Variants in MYO3B observed in about 807,000 individuals in gnomAD.
MYO3B encodes the protein myosin IIIB, also known as myosin-IIIb.
In MYO3B, 156 loss-of-function variants were observed where a neutral mutation model predicts 174.6. The ratio of observed to expected loss-of-function variants is 0.89; its 90% confidence interval spans 0.78 to 1.02. MYO3B has a LOEUF of 1.02. MYO3B is among the 50% of genes least tolerant of loss of function. MYO3B has a pLI of 0.00. For synonymous variants in MYO3B, 563 were observed against 569.1 expected, an observed-to-expected ratio of 0.99 and a Z score of 0.15; for missense variants, 1,632 against 1,639.4, an observed-to-expected ratio of 1.00 and a Z score of 0.08.
At chr2:170,519,403 G>T in intron 29 of MYO3B, 35 bp from the exon 30 acceptor site, 1 of 1,583,440 alleles carries the variant, frequency 6.3e-7, no homozygotes, top group South Asian at 1.1e-5. Context: ...ACCTACTTCT[G>T]AACATATGCT....
chr2:170,543,833 C>T, intron 31 of MYO3B, 59 bp from the exon 32 acceptor site: 1 of 1,417,048 alleles, frequency 7.1e-7, no homozygotes, highest in Non-Finnish European at 9.9e-7. Context: ...AAGCCATGTC[C>T]TTAAGGCTGT....
chr2:170,390,455 AAGTG>A (rs1455525369), intron 14 of MYO3B, among the ~76,000 whole-genome samples: 20 of 152,228 alleles, frequency 1.3e-4, no homozygotes, highest in Admixed American at 1.2e-3. Flanking sequence ...TTAAGTGAAC[AAGTG>A]AGTGAGAAAT....
chr2:170,618,298 A>T (rs1010314131), intron 32 of MYO3B, among the ~76,000 whole-genome samples: 1 of 152,168 alleles, frequency 6.6e-6, no homozygotes, highest in Admixed American at 6.5e-5. Context: ...CCCAATATGT[A>T]TAGTTTTTAA....
chr2:170,234,024 AG>A (rs2093040829), intron 6 of MYO3B, among the ~76,000 whole-genome samples: 1 of 151,248 alleles, frequency 6.6e-6, no homozygotes, highest in East Asian at 1.9e-4. Context: ...ACAAAAAATT[AG>A]CCGGGCGTAG....
At chr2:170,643,436 C>T (rs945571153) in intron 32 of MYO3B, among the ~76,000 whole-genome samples, 1 of 152,132 alleles carries the variant, frequency 6.6e-6, no homozygotes, top group Admixed American at 6.5e-5. Flanking sequence ...GTTATTGTCA[C>T]CTGCAAATGC....
chr2:170,639,065 C>T (rs545320833), intron 32 of MYO3B, among the ~76,000 whole-genome samples: 5 of 152,278 alleles, frequency 3.3e-5, no homozygotes, highest in African/African-American at 7.2e-5. Flanking sequence ...TCAAAGACCC[C>T]GTCACAATTA....
chr2:170,405,721 T>C, intron 21 of MYO3B, 88 bp downstream of exon 21: 1 of 1,032,110 alleles, frequency 9.7e-7, no homozygotes, highest in Non-Finnish European at 1.5e-6. Flanking sequence ...TGAAATTGCT[T>C]ACAGATTTCT....
At chr2:170,266,337 T>G (rs1256976231) in intron 7 of MYO3B, among the ~76,000 whole-genome samples, 2 of 152,196 alleles carry the variant, frequency 1.3e-5, no homozygotes, top group South Asian at 2.1e-4. Flanking sequence ...ATTTTTAAAC[T>G]AGCTGTATGT....
chr2:170,509,051 G>A (rs1019851879), intron 28 of MYO3B, among the ~76,000 whole-genome samples: 1 of 152,118 alleles, frequency 6.6e-6, no homozygotes, highest in Non-Finnish European at 1.5e-5. Context: ...CTTCTATGGA[G>A]GACATAATAA....
chr2:170,182,673 G>A (rs185088864), intron 1 of MYO3B, among the ~76,000 whole-genome samples: 8 of 148,848 alleles, frequency 5.4e-5, no homozygotes, highest in East Asian at 2.0e-4. Flanking sequence ...GTGCAGTGGC[G>A]TGATCTCAGC....
intron 3 of MYO3B, among the ~76,000 whole-genome samples, chr2:170,203,449 C>T (rs1191935805): frequency 3.3e-5 from 4 of 121,490 alleles, no homozygotes; most frequent in African/African-American, 9.5e-5. Context: ...TCAGAGATCT[C>T]GGTATAAGTT....
At chr2:170,404,600 C>G (rs777657732) in intron 20 of MYO3B, among the ~76,000 whole-genome samples, 200 bp downstream of exon 20, 24 of 152,132 alleles carry the variant, frequency 1.6e-4, no homozygotes, top group African/African-American at 5.3e-4. Context: ...ATTCCTAACA[C>G]CTTCCCACTT....
In MYO3B at chr2:170,297,490, A is replaced by G. The variant is rs376162847; in HGVS notation, c.750-37895A>G. ...CTTTTCCCAGGAAGTAATTGAAAAA[A>G]GGCACATTTTATAAAAATAGAATAT... On this transcript the variant is annotated intron_variant, in intron 7 of 34. Transcript: ENST00000408978. Among the ~76,000 whole-genome samples, 226 of 152,316 alleles carry G rather than the reference A, an allele frequency of 1.5e-3. 1 individual carries two copies. The highest frequency in any genetic ancestry group is 4.9e-3 in the African/African-American group (203 of 41,556).
At chr2:170,397,536 T>G (rs2094448460) in intron 16 of MYO3B, among the ~76,000 whole-genome samples, 1 of 152,220 alleles carries the variant, frequency 6.6e-6, no homozygotes, top group Non-Finnish European at 1.5e-5. Context: ...ACACCTTAAT[T>G]TCTTTTTACC....
chr2:170,345,034 G>A (rs1401062117), intron 8 of MYO3B: 2 of 152,196 alleles, frequency 1.3e-5, no homozygotes, highest in Non-Finnish European at 2.9e-5. Context: ...GTGACTTCCT[G>A]GTTCAGTGCA....
At chr2:170,312,072 CG>C (rs1024756838) in intron 7 of MYO3B, among the ~76,000 whole-genome samples, 1 of 152,094 alleles carries the variant, frequency 6.6e-6, no homozygotes, top group African/African-American at 2.4e-5. Flanking sequence ...GCTTTTCGCA[CG>C]GGGTAACTTT....
chr2:170,393,098 T>C (rs1260506313), intron 16 of MYO3B, among the ~76,000 whole-genome samples: 2 of 151,650 alleles, frequency 1.3e-5, no homozygotes, highest in African/African-American at 4.8e-5. Flanking sequence ...TTTTTTTTTT[T>C]TTTGAGACAG....
chr2:170,623,979 C>T (rs6733023), intron 32 of MYO3B, among the ~76,000 whole-genome samples: 62,477 of 151,920 alleles, frequency 0.41, 13,550 homozygotes, highest in Non-Finnish European at 0.49. Context: ...ACTGTAGCCT[C>T]GTAGTATAGT....
chr2:170,635,051 T>G (rs561105581), intron 32 of MYO3B, among the ~76,000 whole-genome samples: 3 of 152,368 alleles, frequency 2.0e-5, no homozygotes, highest in African/African-American at 7.2e-5. Flanking sequence ...GAAGACAGTG[T>G]GGCGATTCCT....
Sources: gnomAD v4.1 joint callset for allele counts (sites outside exome capture counted in the v4.1 genomes callset) on GRCh38, gnomAD v4.1.1 for gene constraint, MANE v1.5 for transcripts, NCBI Gene and HGNC (gene_info 2026-07-23, HGNC 2026-07-21) for gene names.